The following SH2D3A variants were observed in gnomAD, a reference collection of about 807,000 sequenced individuals.
The protein encoded by SH2D3A is SH2 domain-containing protein 3A.
SH2D3A carries 46 observed loss-of-function variants against 50.6 expected under a neutral mutation model. The observed-to-expected ratio is 0.91, with a 90% confidence interval of 0.72 to 1.16. The LOEUF is 1.16. Among genes scored for constraint, SH2D3A ranks in the 50% most tolerant of loss-of-function variants. The probability of loss-of-function intolerance (pLI) is 0.00; values close to 1 mark genes in which losing one functional copy is unlikely to be tolerated. For synonymous variants in SH2D3A, 377 were observed against 348.4 expected (o/e 1.08, Z -0.91); for missense variants, 783 against 786.2 (o/e 1.00, Z 0.05).
chr19:6,766,544 C>T (rs1352027325), intron 1 of SH2D3A, among the ~76,000 whole-genome samples: 1 of 152,174 alleles, frequency 6.6e-6, no homozygotes, highest in Non-Finnish European at 1.5e-5. Flanking sequence ...GTGGGAACCA[C>T]CAGCACAGGC....
In SH2D3A at chr19:6,754,850, A is replaced by T. The variant is rs1433600646; in HGVS notation, c.962T>A (p.Leu321Gln). The T allele has an allele frequency of 6.2e-7, 1 of 1,601,074 alleles. No individual in the cohort carries two copies. The highest frequency in any genetic ancestry group is 1.1e-5 in the South Asian group (1 of 89,154). Residue 321 changes from leucine (L) to glutamine (Q), a missense_variant, in exon 5 of 10, where the codon CTG becomes CAG. Coordinates refer to ENST00000245908, the MANE Select transcript of SH2D3A (RefSeq NM_005490.3). ...ACCCACCTGGCAGTCTACCAATAGC[A>T]GGTGAAGGGCGGTGCTCCCAGGATG... Reference protein sequence around the residue: ...EHHPGSTALHLLLVDCQATGL... With the variant: ...EHHPGSTALHQLLVDCQATGL...
chr19:6,755,071 G>A lies in SH2D3A; in HGVS notation c.741C>T (p.Ser247=). The change falls in exon 5 of 10, where the codon AGC becomes AGT. Residue 247 remains serine, a synonymous_variant. Transcript: ENST00000245908. ...RVPSVQGTSP[S]QSCPEPEAPW... is the part of the protein sequence containing the mutation. The stretch of plus-strand genomic sequence containing the variant: ...GGGCCTCTGGCTCTGGGCAGCTTTG[G>A]CTCGGGGATGTTCCCTGGACACTGG... 3 of 1,613,882 alleles carry A rather than the reference G, an allele frequency of 1.9e-6. No homozygotes were observed. Among genetic ancestry groups the A allele is most frequent in the South Asian group, 2.2e-5 (2 of 91,070 alleles).
chr19:6,756,827 C>T (rs1969706160), intron 4 of SH2D3A, among the ~76,000 whole-genome samples: 1 of 152,104 alleles, frequency 6.6e-6, no homozygotes, highest in South Asian at 2.1e-4. Context: ...GCTTCAGCTA[C>T]ACTCGTGTGT....
At chr19:6,756,259 G>A (rs1484455871) in intron 4 of SH2D3A, among the ~76,000 whole-genome samples, 2 of 147,902 alleles carry the variant, frequency 1.4e-5, no homozygotes, top group Non-Finnish European at 3.0e-5. Context: ...ATTTATATAT[G>A]ATAGATATTT....
chr19:6,766,929 T>TA (rs1970331048), intron 1 of SH2D3A, among the ~76,000 whole-genome samples: 2 of 152,094 alleles, frequency 1.3e-5, no homozygotes, highest in Admixed American at 1.3e-4. Context: ...ACAGTAAGGG[T>TA]AAAGGCCTGG....
chr19:6,756,133 TATAGAG>T (rs1260237466), intron 4 of SH2D3A, among the ~76,000 whole-genome samples: 1 of 148,338 alleles, frequency 6.7e-6, no homozygotes, highest in Non-Finnish European at 1.5e-5. Flanking sequence ...ATATCATATC[TATAGAG>T]ATAGATATAT....
At chr19:6,760,590 C>G in intron 3 of SH2D3A, 48 bp downstream of exon 3, 1 of 1,432,262 alleles carries the variant, frequency 7.0e-7, no homozygotes, top group Non-Finnish European at 9.3e-7. Context: ...AGTTGGAAAA[C>G]CCTGCGAGTG....
rs778259814 is a variant in SH2D3A at position 6,754,952 on chromosome 19, G to T, written c.860C>A (p.Ser287Tyr). ...EISFCPHDAP[S>Y]CLLGPQNRPL... The stretch of plus-strand genomic sequence containing the variant: ...CCGATTCTGGGGGCCCAGCAGGCAG[G>T]AGGGGGCATCATGGGGGCAGAAAGA... The change falls in exon 5 of 10, where the codon TCC becomes TAC. Residue 287 changes from serine (S) to tyrosine (Y), a missense_variant. By Grantham distance (144) the Ser-to-Tyr change is moderately radical. Coordinates refer to ENST00000245908, the MANE Select transcript of SH2D3A (RefSeq NM_005490.3). 15 of 1,613,992 alleles carry T rather than the reference G, an allele frequency of 9.3e-6. No individual in the cohort carries two copies. The East Asian group carries it at 3.3e-4, about 36-fold the overall frequency.
intron 4 of SH2D3A, chr19:6,758,800 A>G (rs73920207): frequency 0.11 from 16,082 of 152,052 alleles, 965 homozygotes; most frequent in South Asian, 0.21. Context: ...TGGGGTTGGG[A>G]GAAGGATGGG....
rs1317424009 is a variant in SH2D3A at position 6,763,685 on chromosome 19, G to A, written c.64C>T (p.Arg22Cys). ...GQPWYHGLLS[R>C]QKAEALLQQN... ...GGTCCTGCTGTGGGTGGTACCTGGCGGGACAGGAGGCCGTGGTACCAAGGT... is the reference window on the plus strand; with the variant it reads ...GGTCCTGCTGTGGGTGGTACCTGGCAGGACAGGAGGCCGTGGTACCAAGGT... The change falls in exon 2 of 10, where the codon CGC becomes TGC. Residue 22 changes from arginine to cysteine, a missense_variant. Physicochemically the swap from Arg to Cys is radical, Grantham distance 180. Transcript: ENST00000245908. 3.1e-6 allele frequency: 5 copies of A among 1,612,070 alleles called. No homozygotes were observed. The highest frequency in any genetic ancestry group is 4.5e-5 in the East Asian group (2 of 44,842).
At chr19:6,755,371 G>T in intron 4 of SH2D3A, 56 bp from the exon 5 acceptor site, 1 of 1,283,116 alleles carries the variant, frequency 7.8e-7, no homozygotes, top group Non-Finnish European at 1.0e-6. Context: ...TGCTGAATGG[G>T]CGGGGGTGAG....
Position 6,756,737 on chromosome 19 carries a change from CA to C in SH2D3A, c.497-1423del, listed in dbSNP as rs111940380. On this transcript the variant is annotated intron_variant, in intron 4 of 9. Coordinates refer to ENST00000245908, the MANE Select transcript of SH2D3A (RefSeq NM_005490.3). ...GCCTGGCTCACTCTGAGTTAAGGTCCAAAGTGCTCACAGTAGCTGAAAAATC... is the reference window on the plus strand; with the variant it reads ...GCCTGGCTCACTCTGAGTTAAGGTCCAAGTGCTCACAGTAGCTGAAAAATC... Among the ~76,000 whole-genome samples, 571 of 152,198 alleles carry C rather than the reference CA, an allele frequency of 3.8e-3. 4 individuals are homozygous for C. The highest frequency in any genetic ancestry group is 0.013 in the African/African-American group (555 of 41,542).
At chr19:6,758,902 A>G (rs1599587046) in intron 4 of SH2D3A, 1 of 152,138 alleles carries the variant, frequency 6.6e-6, no homozygotes, top group Non-Finnish European at 1.5e-5. Flanking sequence ...CTGGATGGAG[A>G]GGAGCCACTC....
At chr19:6,756,593 G>T (rs1389760146) in intron 4 of SH2D3A, among the ~76,000 whole-genome samples, 1 of 152,034 alleles carries the variant, frequency 6.6e-6, no homozygotes, top group Admixed American at 6.6e-5. Context: ...TTTGTAAGTT[G>T]GTGGCATGTT....
In SH2D3A at chr19:6,753,106, C is replaced by G. The variant is rs549985816; in HGVS notation, c.1570+350G>C. The G allele has an allele frequency of 3.9e-3, 3,858 of 985,172 alleles. 17 individuals are homozygous for G. Among genetic ancestry groups the G allele is most frequent in the Non-Finnish European group, 4.5e-3 (3,725 of 829,826 alleles). 61.0% of individuals were successfully genotyped at this position (985,172 alleles called of 1,614,324 possible). A position where few individuals can be genotyped will look rare whatever the true frequency, so the allele number is the denominator to read the frequency against. On this transcript the variant is annotated intron_variant, in intron 9 of 9. Coordinates refer to ENST00000245908, the MANE Select transcript of SH2D3A (RefSeq NM_005490.3). ...GGGGGATCTTGCCGGGTGGGCTGCC[C>G]TAGGATAGGACGGAGGAGTCGTTTT... is the stretch of plus-strand genomic sequence containing the variant.
rs774716402 is a variant in SH2D3A, at chr19:6,753,552, C to T, written c.1474G>A (p.Glu492Lys). The T allele has an allele frequency of 1.3e-6, 2 of 1,572,080 alleles. No individual in the cohort carries two copies. The highest frequency in any genetic ancestry group is 1.4e-5 in the African/African-American group (1 of 74,058). ...EGEEVAGPLD[E>K]SCERLLRTLH... ...GTGCGCAACAGCCGCTCACAGCTCT[C>T]GTCCAGCGGCCCCGCGACTTCCTCG... Residue 492 changes from glutamate to lysine, a missense_variant, in exon 9 of 10, where the codon GAG becomes AAG. By Grantham distance (56) the Glu-to-Lys change is moderately conservative. Transcript: ENST00000245908.
At chr19:6,763,597 C>G in intron 2 of SH2D3A, 83 bp downstream of exon 2, 1 of 1,360,718 alleles carries the variant, frequency 7.3e-7, no homozygotes, top group Non-Finnish European at 1.0e-6. Flanking sequence ...CACTAAGTCC[C>G]TCATCCAGGG....
rs777253585 is a variant in SH2D3A, at chr19:6,755,188, C to T, written c.624G>A (p.Lys208=). 6.3e-7 allele frequency: 1 copy of T among 1,592,450 alleles called. No homozygotes were observed. The highest frequency in any genetic ancestry group is 8.6e-7 in the Non-Finnish European group (1 of 1,167,324). ...LRASDGQLQA[K]APTKPPRTPS... ...GTGTCCGGGGGGGCTTCGTTGGTGCCTTGGCTTGAAGCTGCCCATCGGAGG... is the reference window on the plus strand; with the variant it reads ...GTGTCCGGGGGGGCTTCGTTGGTGCTTTGGCTTGAAGCTGCCCATCGGAGG... Residue 208 remains lysine, a synonymous_variant, in exon 5 of 10, where the codon AAG becomes AAA. Transcript: ENST00000245908.
chr19:6,766,194 A>G (rs996723185), intron 1 of SH2D3A, among the ~76,000 whole-genome samples: 2 of 152,176 alleles, frequency 1.3e-5, no homozygotes, highest in Admixed American at 1.3e-4. Context: ...GTGTCTTTGC[A>G]ATGCCTGCGC....
Sources: allele counts gnomAD v4.1 joint callset (sites outside exome capture counted in the v4.1 genomes callset), GRCh38; gene constraint gnomAD v4.1.1; transcripts MANE v1.5; gene names NCBI Gene and HGNC (gene_info 2026-07-23, HGNC 2026-07-21).